ZFAT: variants seen among roughly 807,000 people sequenced by gnomAD.
The protein encoded by ZFAT is zinc finger protein ZFAT.
In ZFAT, 64 loss-of-function variants were observed where a neutral mutation model predicts 117.7. The observed-to-expected ratio is 0.54, with a 90% CI of 0.44 to 0.67. The LOEUF is 0.67. Ranked by LOEUF, ZFAT falls within the 30% of genes least tolerant of loss-of-function variation. The pLI is 0.00. For missense variants in ZFAT, 1,433 were observed against 1,584.5 expected (o/e 0.90, Z 1.62); for synonymous variants, 679 against 615.0 (o/e 1.10, Z -1.54).
chr8:134,820,373 C>T, the ZFAT span, among the ~76,000 whole-genome samples: 1 of 152,214 alleles, frequency 6.6e-6, no homozygotes, highest in Admixed American at 6.5e-5. Flanking sequence ...AAATGTAATA[C>T]ATCTACCAAG....
At chr8:134,827,779 A>AT in the ZFAT span, among the ~76,000 whole-genome samples, 1 of 151,940 alleles carries the variant, frequency 6.6e-6, no homozygotes, top group Non-Finnish European at 1.5e-5. Context: ...AAAAAAAAAA[A>AT]AAAAAATTCT....
At chr8:134,565,925 CAT>C (rs1824426437) in intron 10 of ZFAT, among the ~76,000 whole-genome samples, 6 of 152,106 alleles carry the variant, frequency 3.9e-5, no homozygotes, top group African/African-American at 9.7e-5. Flanking sequence ...GGGTCTGGAC[CAT>C]CTCACAAGGA....
chr8:134,707,139 G>A (rs1834172591), intron 1 of ZFAT, among the ~76,000 whole-genome samples: 2 of 152,008 alleles, frequency 1.3e-5, no homozygotes, highest in South Asian at 2.1e-4. Flanking sequence ...CTTTCTACAG[G>A]GCACCTCTGC....
At chr8:134,513,288 G>T (rs935127502) in intron 13 of ZFAT, among the ~76,000 whole-genome samples, 3 of 148,270 alleles carry the variant, frequency 2.0e-5, no homozygotes. Flanking sequence ...ATCTCTGCCC[G>T]CCAGGTTCAA....
intron 3 of ZFAT, among the ~76,000 whole-genome samples, chr8:134,620,233 C>T (rs1326447663): frequency 1.3e-5 from 2 of 152,230 alleles, no homozygotes; most frequent in African/African-American, 4.8e-5. Context: ...TGAGCAGGGG[C>T]TTGGGCCCAG....
chr8:134,479,248 C>T (rs1170616229), intron 15 of ZFAT, among the ~76,000 whole-genome samples: 1 of 152,222 alleles, frequency 6.6e-6, no homozygotes, highest in East Asian at 1.9e-4. Flanking sequence ...GCCTGGCAGG[C>T]CTGATTTTCC....
At chr8:134,772,934 C>A in the ZFAT span, among the ~76,000 whole-genome samples, 1,776 of 151,012 alleles carry the variant, frequency 0.012, 37 homozygotes, top group African/African-American at 0.04. Flanking sequence ...ACAACAACAA[C>A]AAAAAAAACT....
intron 3 of ZFAT, among the ~76,000 whole-genome samples, chr8:134,622,519 G>T (rs1158406019): frequency 6.6e-6 from 1 of 152,102 alleles, no homozygotes; most frequent in East Asian, 1.9e-4. Flanking sequence ...AACTGGAGGG[G>T]ACCATTACTT....
At chr8:134,817,674 G>A in the ZFAT span, among the ~76,000 whole-genome samples, 1 of 151,936 alleles carries the variant, frequency 6.6e-6, no homozygotes, top group Non-Finnish European at 1.5e-5. Context: ...CGTCAAGCAA[G>A]CTTTTTAAAA....
intron 1 of ZFAT, among the ~76,000 whole-genome samples, chr8:134,699,496 A>T (rs1447675658): frequency 6.6e-6 from 1 of 152,122 alleles, no homozygotes; most frequent in African/African-American, 2.4e-5. Flanking sequence ...CAATAACAGC[A>T]TCTGCCTCCC....
chr8:134,482,014 G>A (rs1388578092), intron 15 of ZFAT, among the ~76,000 whole-genome samples: 1 of 151,932 alleles, frequency 6.6e-6, no homozygotes, highest in East Asian at 1.9e-4. Context: ...TCTACCATCC[G>A]GCATGAGACG....
At chr8:134,509,518 T>C in intron 15 of ZFAT, 101 bp downstream of exon 15, 1 of 1,542,680 alleles carries the variant, frequency 6.5e-7, no homozygotes, top group Non-Finnish European at 8.8e-7. Context: ...TCATTCCAAG[T>C]TCTACCTCAG....
chr8:134,613,412 C>T (rs1828487356), intron 3 of ZFAT, among the ~76,000 whole-genome samples: 3 of 152,158 alleles, frequency 2.0e-5, no homozygotes, highest in African/African-American at 7.2e-5. Context: ...ACTGCAGAAC[C>T]GGGGGGCTGG....
At chr8:134,532,016 T>C (rs1241614169) in intron 12 of ZFAT, among the ~76,000 whole-genome samples, 1 of 152,244 alleles carries the variant, frequency 6.6e-6, no homozygotes, top group Non-Finnish European at 1.5e-5. Flanking sequence ...GCTAACTGTG[T>C]GCTGCAATCA....
chr8:134,596,239 C>T (rs1277786390), intron 7 of ZFAT, among the ~76,000 whole-genome samples: 2 of 152,196 alleles, frequency 1.3e-5, no homozygotes, highest in East Asian at 1.9e-4. Flanking sequence ...TGGAGCATTG[C>T]CACCATCCAG....
the ZFAT span, among the ~76,000 whole-genome samples, chr8:134,720,154 G>A: frequency 2.0e-5 from 3 of 152,206 alleles, no homozygotes; most frequent in African/African-American, 7.2e-5. Context: ...AGTCCTCATG[G>A]ACATTCAATC....
At chr8:134,568,794 T>C (rs1230381230) in intron 10 of ZFAT, among the ~76,000 whole-genome samples, 11 of 152,210 alleles carry the variant, frequency 7.2e-5, no homozygotes, top group Admixed American at 4.6e-4. Context: ...GGAGGGCATC[T>C]GACATAATTA....
At chr8:134,822,355 C>T in the ZFAT span, among the ~76,000 whole-genome samples, 1 of 152,056 alleles carries the variant, frequency 6.6e-6, no homozygotes, top group Admixed American at 6.5e-5. Flanking sequence ...TTCCAGTCTC[C>T]ATTCCCAGCT....
the ZFAT span, among the ~76,000 whole-genome samples, chr8:134,726,910 T>C: frequency 6.6e-6 from 1 of 152,104 alleles, no homozygotes; most frequent in Non-Finnish European, 1.5e-5. Flanking sequence ...GCTGGGTATT[T>C]TCTATCTATT....
Sources: gnomAD v4.1 joint callset for allele counts (sites outside exome capture counted in the v4.1 genomes callset) on GRCh38, gnomAD v4.1.1 for gene constraint, MANE v1.5 for transcripts, NCBI Gene and HGNC (gene_info 2026-07-23, HGNC 2026-07-21) for gene names.